Variants in TRAPPC9 observed in about 807,000 individuals in gnomAD.
TRAPPC9 encodes the protein trafficking protein particle complex subunit 9.
A neutral mutation model predicts 124.0 loss-of-function variants in TRAPPC9; 83 were observed. The ratio of observed to expected loss-of-function variants is 0.67; its 90% CI spans 0.56 to 0.80. The LOEUF (loss-of-function observed/expected upper bound fraction) is 0.80, where lower values mean the gene tolerates loss of function less well. Among genes scored for constraint, TRAPPC9 ranks in the 30% least tolerant of loss-of-function variants. TRAPPC9 has a pLI of 0.00. For missense variants in TRAPPC9, 1,302 were observed against 1,508.3 expected, an observed-to-expected ratio of 0.86 and a Z score of 2.27; for synonymous variants, 638 against 617.5, an observed-to-expected ratio of 1.03 and a Z score of -0.49.
chr8:139,766,508 CTCTG>C (rs753324799), intron 21 of TRAPPC9, among the ~76,000 whole-genome samples: 9 of 152,222 alleles, frequency 5.9e-5, no homozygotes, highest in Non-Finnish European at 1.0e-4. Context: ...CAAGTTGTGG[CTCTG>C]TCTAAGTCCT....
chr8:139,932,896 A>G (rs2131393577), intron 19 of TRAPPC9: 1 of 175,420 alleles, frequency 5.7e-6, no homozygotes, highest in Non-Finnish European at 1.1e-5. Flanking sequence ...TTACCACAGC[A>G]TAAGCTGGTA....
intron 21 of TRAPPC9, among the ~76,000 whole-genome samples, chr8:139,754,823 T>C (rs964684825): frequency 6.6e-6 from 1 of 152,242 alleles, no homozygotes. Flanking sequence ...CAAAACCACA[T>C]TCAACTCATC....
At chr8:140,190,302 A>G (rs1405934249) in intron 17 of TRAPPC9, among the ~76,000 whole-genome samples, 1 of 151,930 alleles carries the variant, frequency 6.6e-6, no homozygotes, top group African/African-American at 2.4e-5. Context: ...CTAAAAATAC[A>G]AAAAAATTAG....
At chr8:140,213,309 T>C (rs1326218687) in intron 17 of TRAPPC9, among the ~76,000 whole-genome samples, 2 of 152,140 alleles carry the variant, frequency 1.3e-5, no homozygotes, top group African/African-American at 4.8e-5. Flanking sequence ...TCACATCATC[T>C]CAGTTTTCAC....
intron 18 of TRAPPC9, among the ~76,000 whole-genome samples, chr8:140,022,076 T>C (rs1006634212): frequency 6.6e-6 from 1 of 152,196 alleles, no homozygotes; most frequent in Non-Finnish European, 1.5e-5. Context: ...GGAGGGACTC[T>C]GGACTTTATC....
chr8:140,263,452 C>T (rs574182237), intron 15 of TRAPPC9, among the ~76,000 whole-genome samples: 38 of 152,236 alleles, frequency 2.5e-4, no homozygotes, highest in African/African-American at 9.1e-4. Flanking sequence ...TCCCTGAACG[C>T]TGGGCTAAGA....
intron 15 of TRAPPC9, among the ~76,000 whole-genome samples, chr8:140,258,889 G>A (rs571639991): frequency 2.6e-5 from 4 of 152,274 alleles, no homozygotes; most frequent in Middle Eastern, 3.4e-3. Flanking sequence ...CAACCTCCCC[G>A]TGAACCGCCA....
Position 139,988,721 on chromosome 8 carries a change from C to T in TRAPPC9, c.2810+5G>A. On this transcript the variant is annotated splice_donor_5th_base_variant and intron_variant, in intron 19 of 22. Transcript: ENST00000438773. ...CGGCGGCGCGAGGGTCTATGGGACA[C>T]TTACCGCTGGCACTCACCGGCGTGC... is the stretch of plus-strand genomic sequence containing the variant. The T allele has an allele frequency of 2.6e-6, 4 of 1,546,952 alleles. No individual in the cohort carries two copies. Among genetic ancestry groups the T allele is most frequent in the Non-Finnish European group, 3.5e-6 (4 of 1,144,254 alleles).
intron 9 of TRAPPC9, among the ~76,000 whole-genome samples, chr8:140,328,032 A>G (rs1007611539): frequency 6.6e-6 from 1 of 152,198 alleles, no homozygotes; most frequent in Non-Finnish European, 1.5e-5. Flanking sequence ...AGGCAGGTGC[A>G]TCACCTGAGG....
chr8:139,795,406 T>G (rs1822981173), intron 21 of TRAPPC9, among the ~76,000 whole-genome samples: 1 of 152,148 alleles, frequency 6.6e-6, no homozygotes, highest in Non-Finnish European at 1.5e-5. Context: ...ACACTGCCTG[T>G]GAGATGAGTC....
In TRAPPC9 at chr8:140,078,223, T is replaced by G. The variant is rs116670577; in HGVS notation, c.2557-54144A>C. On this transcript the variant is annotated intron_variant, in intron 17 of 22. Coordinates refer to ENST00000438773, the MANE Select transcript of TRAPPC9 (RefSeq NM_001160372.4). ...GTTGTATAGAATTTTGGAAGAACTT[T>G]TCAGAGAACATTTCATTTTAACAAA... Among the ~76,000 whole-genome samples the G allele has an allele frequency of 3.1e-3, 468 of 152,344 alleles. 4 individuals carry two copies. The highest frequency in any genetic ancestry group is 0.011 in the African/African-American group (453 of 41,574).
intron 19 of TRAPPC9, among the ~76,000 whole-genome samples, chr8:139,965,935 T>G (rs1267041696): frequency 6.6e-6 from 1 of 152,220 alleles, no homozygotes; most frequent in African/African-American, 2.4e-5. Flanking sequence ...TCGCACAGCC[T>G]GCGCCACAAG....
intron 17 of TRAPPC9, among the ~76,000 whole-genome samples, chr8:140,061,139 G>C (rs944240422): frequency 1.3e-5 from 2 of 152,306 alleles, no homozygotes; most frequent in Admixed American, 1.3e-4. Flanking sequence ...AAACAGATCT[G>C]TAGGCACTGG....
intron 18 of TRAPPC9, among the ~76,000 whole-genome samples, chr8:139,994,658 T>C (rs1192144778): frequency 6.6e-6 from 1 of 152,206 alleles, no homozygotes; most frequent in Non-Finnish European, 1.5e-5. Context: ...TAAGTGAGTC[T>C]CTTGACATTA....
intron 19 of TRAPPC9, among the ~76,000 whole-genome samples, chr8:139,986,508 A>AC (rs542689423): frequency 6.6e-6 from 1 of 151,962 alleles, no homozygotes; most frequent in Non-Finnish European, 1.5e-5. Flanking sequence ...TACACTGAAC[A>AC]CCCCCCATAT....
chr8:140,089,202 T>TG (rs1272981784), intron 17 of TRAPPC9, among the ~76,000 whole-genome samples: 1 of 152,184 alleles, frequency 6.6e-6, no homozygotes, highest in African/African-American at 2.4e-5. Flanking sequence ...TCTCTCCCAC[T>TG]GGGCAGCCCG....
At chr8:140,321,211 TG>T (rs762357125) in intron 9 of TRAPPC9, among the ~76,000 whole-genome samples, 1 of 152,148 alleles carries the variant, frequency 6.6e-6, no homozygotes, top group Non-Finnish European at 1.5e-5. Context: ...GGCAGTCTCA[TG>T]GGGCTAGGAG....
intron 17 of TRAPPC9, among the ~76,000 whole-genome samples, chr8:140,204,678 C>T (rs1197546461): frequency 6.6e-6 from 1 of 151,476 alleles, no homozygotes; most frequent in Non-Finnish European, 1.5e-5. Flanking sequence ...CCCTGTGACA[C>T]ACCAGCTCCC....
intron 21 of TRAPPC9, among the ~76,000 whole-genome samples, chr8:139,792,202 G>T (rs970853155): frequency 3.3e-5 from 5 of 152,196 alleles, no homozygotes; most frequent in African/African-American, 1.2e-4. Context: ...TCAGACAGCA[G>T]GTTTAGTCTC....
Sources: gnomAD v4.1 joint callset for allele counts (sites outside exome capture counted in the v4.1 genomes callset) on GRCh38, gnomAD v4.1.1 for gene constraint, MANE v1.5 for transcripts, NCBI Gene and HGNC (gene_info 2026-07-23, HGNC 2026-07-21) for gene names.